Variants in ZDHHC17 observed in about 807,000 individuals in gnomAD.
The protein encoded by ZDHHC17 is palmitoyltransferase ZDHHC17.
In ZDHHC17, 40 loss-of-function variants were observed where a neutral mutation model predicts 90.3. The observed-to-expected ratio is 0.44, with a 90% CI of 0.34 to 0.58. The LOEUF (loss-of-function observed/expected upper bound fraction) is 0.58. ZDHHC17 is among the 20% of genes least tolerant of loss of function. The pLI is 0.01. For missense variants in ZDHHC17, 614 were observed against 780.8 expected, an observed-to-expected ratio of 0.79 and a Z score of 2.55; for synonymous variants, 235 against 252.4, an observed-to-expected ratio of 0.93 and a Z score of 0.65.
chr12:76,768,489 A>G (rs889672652), intron 1 of ZDHHC17, among the ~76,000 whole-genome samples: 1 of 152,268 alleles, frequency 6.6e-6, no homozygotes, highest in Admixed American at 6.5e-5. Context: ...TAAAAAAGAT[A>G]GCATATGTTT....
Position 76,848,326 on chromosome 12 carries a change from T to A in ZDHHC17, c.1601T>A (p.Met534Lys). The A allele has an allele frequency of 6.2e-7, 1 of 1,613,978 alleles. No individual in the cohort carries two copies. The highest frequency in any genetic ancestry group is 8.5e-7 in the Non-Finnish European group (1 of 1,179,868). The change falls in exon 15 of 17, where the codon ATG becomes AAG. Residue 534 changes from methionine (M) to lysine (K), a missense_variant. This residue lies in a region of ZDHHC17 where 111 missense variants were observed against 179.8 expected (regional missense o/e 0.62). Coordinates refer to ENST00000426126, the MANE Select transcript of ZDHHC17 (RefSeq NM_015336.4). Reference sequence around the variant, plus strand: ...ACGTGTTCACCTTGGATGTTTTGGATGTTCCTGAACAGTGTTTTCCACTTC... The same window carrying A: ...ACGTGTTCACCTTGGATGTTTTGGAAGTTCCTGAACAGTGTTTTCCACTTC... Reference protein sequence around the residue: ...IATCSPWMFWMFLNSVFHFMW... With the variant: ...IATCSPWMFWKFLNSVFHFMW...
intron 11 of ZDHHC17, among the ~76,000 whole-genome samples, chr12:76,842,623 T>G (rs1953448801): frequency 6.6e-6 from 1 of 152,176 alleles, no homozygotes; most frequent in Admixed American, 6.5e-5. Flanking sequence ...TAAGAGCTGT[T>G]TTATTTAGTC....
At chr12:76,792,893 A>G (rs538054664) in intron 1 of ZDHHC17, among the ~76,000 whole-genome samples, 3 of 152,190 alleles carry the variant, frequency 2.0e-5, no homozygotes, top group Admixed American at 6.5e-5. Flanking sequence ...ACCCAATTCA[A>G]TGAAAACAGT....
At chr12:76,849,282 C>T in intron 15 of ZDHHC17, 94 bp from the exon 16 acceptor site, 1 of 626,864 alleles carries the variant, frequency 1.6e-6, no homozygotes, top group East Asian at 3.4e-5. Context: ...TGAGAATTCG[C>T]CATTGCATTT....
At chr12:76,778,682 T>C (rs1952589595) in intron 1 of ZDHHC17, among the ~76,000 whole-genome samples, 1 of 152,254 alleles carries the variant, frequency 6.6e-6, no homozygotes, top group South Asian at 2.1e-4. Context: ...GTCATTGTCA[T>C]GTTAATTTGC....
intron 1 of ZDHHC17, among the ~76,000 whole-genome samples, chr12:76,769,719 T>C (rs1952472038): frequency 6.6e-6 from 1 of 152,162 alleles, no homozygotes; most frequent in Non-Finnish European, 1.5e-5. Flanking sequence ...TGACCACTGT[T>C]AAGCCCAGTA....
chr12:76,784,248 G>T (rs1952660917), intron 1 of ZDHHC17, among the ~76,000 whole-genome samples: 2 of 152,156 alleles, frequency 1.3e-5, no homozygotes, highest in African/African-American at 4.8e-5. Context: ...GTTGTAACAT[G>T]TCTAAACCAT....
chr12:76,797,665 G>C, intron 2 of ZDHHC17, 128 bp downstream of exon 2: 1 of 614,448 alleles, frequency 1.6e-6, no homozygotes, highest in Admixed American at 3.8e-5. Context: ...TTTATGGGCC[G>C]GTTGCGGTGG....
intron 6 of ZDHHC17, 140 bp from the exon 7 acceptor site, chr12:76,815,717 T>G (rs1565788460): frequency 2.7e-6 from 2 of 738,334 alleles, no homozygotes; most frequent in Non-Finnish European, 3.9e-6. Flanking sequence ...TCATTATTGA[T>G]TTTAAAGTTG....
In ZDHHC17 at chr12:76,851,748, A is replaced by G. The variant is rs1213520144; in HGVS notation, c.*763A>G. 6.6e-6 allele frequency: 1 copy of G among 152,670 alleles called. No homozygotes were observed. The highest frequency in any genetic ancestry group is 1.5e-5 in the Non-Finnish European group (1 of 68,048). The allele number at this position is 152,670 out of a possible 1,614,324, so 9.5% of individuals were successfully genotyped here. The stretch of plus-strand genomic sequence containing the variant: ...GCATGACACACCACATAGAATGTAT[A>G]CTAGCAGATACTATCCAGTGAAGCA... On this transcript the variant is annotated 3_prime_UTR_variant, in exon 17 of 17. Coordinates refer to ENST00000426126, the MANE Select transcript of ZDHHC17 (RefSeq NM_015336.4).
intron 2 of ZDHHC17, among the ~76,000 whole-genome samples, chr12:76,800,482 C>T (rs1447775736): frequency 6.6e-6 from 1 of 152,198 alleles, no homozygotes; most frequent in African/African-American, 2.4e-5. Flanking sequence ...TTTCTCTCTT[C>T]AGTTCTGTCA....
chr12:76,849,323 C>CAACAAA, intron 15 of ZDHHC17, 53 bp from the exon 16 acceptor site: 1 of 452,134 alleles, frequency 2.2e-6, no homozygotes, highest in Non-Finnish European at 3.2e-6. Context: ...GGTCCTGTCT[C>CAACAAA]AAAAAAAAAA....
chr12:76,849,352 G>A (rs200732460), intron 15 of ZDHHC17, 24 bp from the exon 16 acceptor site: 2 of 855,074 alleles, frequency 2.3e-6, no homozygotes, highest in Non-Finnish European at 1.7e-6. Flanking sequence ...CAAGAATAAT[G>A]GTTTGCTTTT....
In ZDHHC17 at chr12:76,852,406, T is replaced by A. The variant is rs1565814008; in HGVS notation, c.*1421T>A. On this transcript the variant is annotated 3_prime_UTR_variant, in exon 17 of 17. Coordinates refer to ENST00000426126, the MANE Select transcript of ZDHHC17 (RefSeq NM_015336.4). ...TTTATCAAATAGTTTTCTCTTTGTG[T>A]CTGTGTTAGTGTTTTTAAAGCTGCT... 6.6e-6 allele frequency: 1 copy of A among 152,614 alleles called. No homozygotes were observed. Among genetic ancestry groups the A allele is most frequent in the Non-Finnish European group, 1.5e-5 (1 of 68,030 alleles). The allele number at this position is 152,614 out of a possible 1,614,324, so 9.5% of individuals were successfully genotyped here.
At chr12:76,828,331 A>C in intron 9 of ZDHHC17, 59 bp from the exon 10 acceptor site, 1 of 1,374,712 alleles carries the variant, frequency 7.3e-7, no homozygotes, top group Middle Eastern at 2.2e-4. Flanking sequence ...CATTTAAATA[A>C]ATACTCATTT....
chr12:76,787,232 G>A (rs1952697532), intron 1 of ZDHHC17, among the ~76,000 whole-genome samples: 1 of 152,190 alleles, frequency 6.6e-6, no homozygotes, highest in East Asian at 1.9e-4. Context: ...AAGGGGAAGA[G>A]TGAAGGTCAC....
rs1953576193 is a variant in ZDHHC17, at chr12:76,852,222, G to A, written c.*1237G>A. On this transcript the variant is annotated 3_prime_UTR_variant, in exon 17 of 17. Coordinates refer to ENST00000426126, the MANE Select transcript of ZDHHC17 (RefSeq NM_015336.4). ...TCCATAAATATTGTTTACAGGGTGA[G>A]ATTTGGTTTATTCATCTTAAGTGCT... 1 of 152,612 alleles carries A rather than the reference G, an allele frequency of 6.6e-6. No individual in the cohort carries two copies. The highest frequency in any genetic ancestry group is 1.5e-5 in the Non-Finnish European group (1 of 68,034). 9.5% of individuals were successfully genotyped at this position (152,612 alleles called of 1,614,324 possible).
rs546853223 is a variant in ZDHHC17, at chr12:76,770,830, G to A, written c.93+6501G>A. On this transcript the variant is annotated intron_variant, in intron 1 of 16. Transcript: ENST00000426126. ...TGCATGCCTGTAATCCCAGCTACTC[G>A]GGAGGCTGAGGCAGGAGAATCGCTT... Among the ~76,000 whole-genome samples the A allele has an allele frequency of 6.6e-5, 10 of 151,838 alleles. 1 individual carries two copies. The South Asian group carries it at 1.0e-3, about 16-fold the overall frequency.
chr12:76,851,163 A>ACACACTGCCATT lies in ZDHHC17; in HGVS notation c.*179_*190dup. 1 of 628,106 alleles carries ACACACTGCCATT rather than the reference A, an allele frequency of 1.6e-6. No individual in the cohort carries two copies. Among genetic ancestry groups the ACACACTGCCATT allele is most frequent in the Non-Finnish European group, 2.6e-6 (1 of 390,082 alleles). 38.9% of individuals were successfully genotyped at this position (628,106 alleles called of 1,614,324 possible). On this transcript the variant is annotated 3_prime_UTR_variant, in exon 17 of 17. Coordinates refer to ENST00000426126, the MANE Select transcript of ZDHHC17 (RefSeq NM_015336.4). ...ATTAACAAAAGTAAACATGGACAGAACACACTGCCATTTCTGGGAAGAGTA... is the reference window on the plus strand; with the variant it reads ...ATTAACAAAAGTAAACATGGACAGAACACACTGCCATTCACACTGCCATTTCTGGGAAGAGTA...
Sources: gnomAD v4.1 joint callset for allele counts (sites outside exome capture counted in the v4.1 genomes callset) on GRCh38, gnomAD v4.1.1 for gene constraint, gnomAD v4.1.1 regional missense constraint, MANE v1.5 for transcripts, NCBI Gene and HGNC (gene_info 2026-07-23, HGNC 2026-07-21) for gene names.